ZNF567: variants seen among roughly 807,000 people sequenced by gnomAD.
The protein encoded by ZNF567 is zinc finger protein 567.
A neutral mutation model predicts 53.9 loss-of-function variants in ZNF567; 36 were observed. The observed-to-expected ratio is 0.67, with a 90% CI of 0.51 to 0.88. The LOEUF (loss-of-function observed/expected upper bound fraction) is 0.88. Among genes scored for constraint, ZNF567 ranks in the 40% least tolerant of loss-of-function variants. ZNF567 has a pLI of 0.00. For missense variants in ZNF567, 619 were observed against 764.7 expected (o/e 0.81, Z 2.25); for synonymous variants, 224 against 260.4 (o/e 0.86, Z 1.35).
At chr19:36,723,515 C>A (rs1277674618), downstream of ZNF567, among the ~76,000 whole-genome samples, 2 of 152,036 alleles carry the variant, frequency 1.3e-5, no homozygotes, top group Non-Finnish European at 2.9e-5. Flanking sequence ...GAGATATTAA[C>A]GGGCAGTTTT....
upstream of ZNF567, among the ~76,000 whole-genome samples, chr19:36,685,010 G>A (rs1477088259): frequency 6.6e-6 from 1 of 152,180 alleles, no homozygotes; most frequent in Non-Finnish European, 1.5e-5. Flanking sequence ...AGACCCGGCT[G>A]GCCGAGGTGG....
chr19:36,709,661 G>A (rs962489466), intron 3 of ZNF567, among the ~76,000 whole-genome samples: 3 of 150,466 alleles, frequency 2.0e-5, no homozygotes, highest in Non-Finnish European at 3.0e-5. Flanking sequence ...AGTCCTGCTG[G>A]TGATGTTGCC....
chr19:36,688,326 G>C (rs1163442076), intron 1 of ZNF567, among the ~76,000 whole-genome samples: 2 of 152,176 alleles, frequency 1.3e-5, no homozygotes, highest in Non-Finnish European at 2.9e-5. Flanking sequence ...CACACTGTGT[G>C]ACTTAGGTGG....
rs1016656289 is a variant in ZNF567 at position 36,689,450 on chromosome 19, G to A, written c.-114G>A. ...CTGGGAAAGGAATGAGAAGACAGAA[G>A]TCAGAGACAAGAAGAGGCTAACATG... On this transcript the variant is annotated 5_prime_UTR_variant, in exon 2 of 6. Transcript: ENST00000682579. 1.3e-5 allele frequency: 2 copies of A among 152,088 alleles called. No individual in the cohort carries two copies. The highest frequency in any genetic ancestry group is 4.8e-5 in the African/African-American group (2 of 41,390). The allele number at this position is 152,088 out of a possible 1,614,324, so 9.4% of individuals were successfully genotyped here. A position where few individuals can be genotyped will look rare whatever the true frequency, so the allele number is the denominator to read the frequency against.
Position 36,712,777 on chromosome 19 carries a change from T to A in ZNF567, c.137-4T>A, listed in dbSNP as rs1459157378. ...TCAACTTAAGTCTTTTTTTCACTTT[T>A]CAGGGTGTCACATGACCAAACCTGA... is the stretch of plus-strand genomic sequence containing the variant. On this transcript the variant is annotated splice_polypyrimidine_tract_variant and splice_region_variant and intron_variant, in intron 4 of 5. Transcript: ENST00000682579. The A allele has an allele frequency of 6.2e-7, 1 of 1,612,588 alleles. No individual in the cohort carries two copies. The highest frequency in any genetic ancestry group is 1.1e-5 in the South Asian group (1 of 90,726).
chr19:36,679,053 G>T, the ZNF567 span, among the ~76,000 whole-genome samples: 2 of 151,906 alleles, frequency 1.3e-5, no homozygotes, highest in Non-Finnish European at 2.9e-5. Flanking sequence ...TTGGGAGGCC[G>T]AGCTGGGCAG....
At chr19:36,675,401 G>A in the ZNF567 span, among the ~76,000 whole-genome samples, 1 of 152,058 alleles carries the variant, frequency 6.6e-6, no homozygotes, top group Non-Finnish European at 1.5e-5. Flanking sequence ...TTGGCCAGGC[G>A]CAGTGGCTCA....
At chr19:36,678,728 C>G in the ZNF567 span, among the ~76,000 whole-genome samples, 1 of 151,768 alleles carries the variant, frequency 6.6e-6, no homozygotes, top group Non-Finnish European at 1.5e-5. Context: ...CCTGTAGTCC[C>G]AGCTACTCAG....
intron 2 of ZNF567, among the ~76,000 whole-genome samples, chr19:36,694,325 C>T (rs137942935): frequency 5.7e-4 from 86 of 152,130 alleles, no homozygotes; most frequent in African/African-American, 2.0e-3. Flanking sequence ...AAGCTAAAAG[C>T]GTTCTTTAAA....
At chr19:36,684,715 G>A (rs1238092419), upstream of ZNF567, among the ~76,000 whole-genome samples, 1 of 152,098 alleles carries the variant, frequency 6.6e-6, no homozygotes, top group African/African-American at 2.4e-5. Flanking sequence ...CCTTCACATA[G>A]GCAAAGAAAT....
intron 2 of ZNF567, among the ~76,000 whole-genome samples, chr19:36,691,510 C>A (rs1217884323): frequency 6.6e-6 from 1 of 152,144 alleles, no homozygotes; most frequent in Non-Finnish European, 1.5e-5. Flanking sequence ...ATATTATATT[C>A]TATCTTTTAT....
chr19:36,694,233 A>C (rs1181461844), intron 2 of ZNF567, among the ~76,000 whole-genome samples: 1 of 152,178 alleles, frequency 6.6e-6, no homozygotes, highest in African/African-American at 2.4e-5. Flanking sequence ...ATAAAGGATT[A>C]ATTTCCTTCC....
chr19:36,719,122 A>C lies in ZNF567; in HGVS notation c.398A>C (p.Glu133Ala). 1 of 1,611,630 alleles carries C rather than the reference A, an allele frequency of 6.2e-7. No individual in the cohort carries two copies. Among genetic ancestry groups the C allele is most frequent in the Non-Finnish European group, 8.5e-7 (1 of 1,179,416 alleles). ...NPVNSKNLPPEYDTHGRILKN... is the reference protein window; with the variant it reads ...NPVNSKNLPPAYDTHGRILKN... ...GTGAATTCAAAAAATCTACCTCCTG[A>C]ATATGATACTCATGGAAGGATTTTG... The change falls in exon 6 of 6, where the codon GAA becomes GCA. Residue 133 changes from glutamate to alanine, a missense_variant. Transcript: ENST00000682579.
chr19:36,684,892 A>G (rs1217544904), upstream of ZNF567, among the ~76,000 whole-genome samples: 2 of 152,180 alleles, frequency 1.3e-5, no homozygotes, highest in Non-Finnish European at 2.9e-5. Context: ...TCCTTCAGAA[A>G]GTTACCTAAG....
chr19:36,714,312 T>C (rs3108577), intron 5 of ZNF567: 220,254 of 332,526 alleles, frequency 0.66, 73,816 homozygotes, highest in East Asian at 0.82. Flanking sequence ...CAGGTGCGCA[T>C]CAACAGGCCT....
chr19:36,684,075 A>G (rs1215081430), upstream of ZNF567, among the ~76,000 whole-genome samples: 1 of 152,214 alleles, frequency 6.6e-6, no homozygotes, highest in Non-Finnish European at 1.5e-5. Flanking sequence ...ATATAATGGG[A>G]AAAAGCTGGA....
At chr19:36,688,963 A>G (rs1389692569) in intron 1 of ZNF567, among the ~76,000 whole-genome samples, 2 of 151,596 alleles carry the variant, frequency 1.3e-5, no homozygotes, top group African/African-American at 2.4e-5. Flanking sequence ...GCTGGGCATG[A>G]TGGCGCATGC....
In ZNF567 at chr19:36,712,822, C is replaced by T. The variant is rs771581499; in HGVS notation, c.178C>T (p.Arg60Ter). 5.6e-6 allele frequency: 9 copies of T among 1,613,872 alleles called. No homozygotes were observed. The highest frequency in any genetic ancestry group is 3.3e-5 in the South Asian group (3 of 91,076). The change falls in exon 5 of 6, where the codon CGA becomes TGA. Residue 60 changes from arginine to a stop codon, truncating the protein, a stop_gained. Transcript: ENST00000682579. LOFTEE classifies it high-confidence loss of function. The part of the protein sequence containing the change: ...TKPDVILKLE[R>*]GEEPWTSFAG... The stretch of plus-strand genomic sequence containing the variant: ...ACCTGATGTGATCCTCAAGTTGGAA[C>T]GAGGAGAAGAGCCATGGACATCATT...
At chr19:36,695,926 A>G (rs1279505059) in intron 3 of ZNF567, among the ~76,000 whole-genome samples, 2 of 152,156 alleles carry the variant, frequency 1.3e-5, no homozygotes, top group Non-Finnish European at 2.9e-5. Flanking sequence ...AAGTAGCAAG[A>G]AGTCTTGTGT....
Sources: allele counts gnomAD v4.1 joint callset (sites outside exome capture counted in the v4.1 genomes callset), GRCh38; gene constraint gnomAD v4.1.1; transcripts MANE v1.5; gene names NCBI Gene and HGNC (gene_info 2026-07-23, HGNC 2026-07-21).